The following PDLIM5 variants were observed in gnomAD, a reference collection of about 807,000 sequenced individuals.
PDLIM5 encodes PDZ and LIM domain protein 5.
In PDLIM5, 34 loss-of-function variants were observed where a neutral mutation model predicts 64.2. That is an observed-to-expected ratio of 0.53 (90% CI 0.40 to 0.71). The LOEUF is 0.71. PDLIM5 is among the 30% of genes least tolerant of loss of function. PDLIM5 has a pLI of 0.00. For missense variants in PDLIM5, 683 were observed against 733.6 expected, an observed-to-expected ratio of 0.93 and a Z score of 0.80; for synonymous variants, 253 against 269.1, an observed-to-expected ratio of 0.94 and a Z score of 0.59.
chr4:94,546,496 G>A (rs1321309704), intron 3 of PDLIM5, among the ~76,000 whole-genome samples: 1 of 151,958 alleles, frequency 6.6e-6, no homozygotes, highest in Non-Finnish European at 1.5e-5. Flanking sequence ...AAGCTATTAG[G>A]AAATCTTTGG....
intron 3 of PDLIM5, among the ~76,000 whole-genome samples, chr4:94,536,505 A>G (rs1731331074): frequency 2.0e-5 from 3 of 152,168 alleles, no homozygotes; most frequent in Admixed American, 6.6e-5. Flanking sequence ...GTCATACCCA[A>G]CCCTTCAAAA....
At chr4:94,615,721 C>G (rs915373426) in intron 7 of PDLIM5, among the ~76,000 whole-genome samples, 1 of 152,180 alleles carries the variant, frequency 6.6e-6, no homozygotes. Flanking sequence ...TAAGTGGCTT[C>G]TGGTGACAGG....
intron 2 of PDLIM5, among the ~76,000 whole-genome samples, chr4:94,474,710 C>G (rs1725173712): frequency 1.3e-5 from 2 of 152,076 alleles, no homozygotes; most frequent in African/African-American, 4.8e-5. Context: ...CCAAGGCAGT[C>G]AAGATCACAG....
At position 94,575,823 on chromosome 4, in the gene PDLIM5, G is replaced by A. The variant is rs762943604; in HGVS notation, c.499G>A (p.Ala167Thr). The change falls in exon 5 of 13, where the codon GCT becomes ACT. Residue 167 changes from alanine (A) to threonine (T), a missense_variant. Coordinates refer to ENST00000317968, the MANE Select transcript of PDLIM5 (RefSeq NM_006457.5). ...ATCACATGCTTCCCCTTCACCCGTG[G>A]CTGCCGTCACTCCTCCCCTGTTCGC... The part of the protein sequence containing the change: ...TSSHASPSPV[A>T]AVTPPLFAAS... 1 of 1,614,074 alleles carries A rather than the reference G, an allele frequency of 6.2e-7. No individual in the cohort carries two copies. Among genetic ancestry groups the A allele is most frequent in the South Asian group, 1.1e-5 (1 of 91,082 alleles).
At chr4:94,640,605 A>G (rs190602116) in intron 9 of PDLIM5, among the ~76,000 whole-genome samples, 155 bp downstream of exon 9, 8 of 151,470 alleles carry the variant, frequency 5.3e-5, no homozygotes, top group Admixed American at 4.0e-4. Context: ...ACGAATATCT[A>G]TCTATGAGAA....
In PDLIM5 at chr4:94,543,629, A is replaced by G. The variant is rs568631355; in HGVS notation, c.248+19754A>G. On this transcript the variant is annotated intron_variant, in intron 3 of 12. Coordinates refer to ENST00000317968, the MANE Select transcript of PDLIM5 (RefSeq NM_006457.5). Reference sequence around the variant, plus strand: ...GACCACCATTCTATTCTGTGCCTCTATGAGTTCAACTTTGTTAGATTCCAC... The same window carrying G: ...GACCACCATTCTATTCTGTGCCTCTGTGAGTTCAACTTTGTTAGATTCCAC... Among the ~76,000 whole-genome samples, 21 of 152,226 alleles carry G rather than the reference A, an allele frequency of 1.4e-4. 1 individual carries two copies. Among genetic ancestry groups the G allele is most frequent in the Middle Eastern group, 3.4e-3 (1 of 294 alleles).
rs1163008328 is a variant in PDLIM5, at chr4:94,659,494, ATGTGTGTGTGTGTGTGTGTG to A, written c.1585+1973_1585+1992del. 1.1e-3 allele frequency among the ~76,000 whole-genome samples: 125 copies of A among 109,062 alleles called. 1 individual carries two copies. The highest frequency in any genetic ancestry group is 4.6e-4 in the Admixed American group (5 of 10,836). The allele number at this position is 109,062 out of a possible 152,430, so 71.5% of individuals were successfully genotyped here. A position where few individuals can be genotyped will look rare whatever the true frequency, so the allele number is the denominator to read the frequency against. ...GAGCAGCTGTAGTATATATGTGTGT[ATGTGTGTGTGTGTGTGTGTG>A]TGTGTGTGTGTGTGTGTGTGTGTGT... On this transcript the variant is annotated intron_variant, in intron 11 of 12. Coordinates refer to ENST00000317968, the MANE Select transcript of PDLIM5 (RefSeq NM_006457.5).
intron 2 of PDLIM5, among the ~76,000 whole-genome samples, chr4:94,458,723 C>G (rs1035376279): frequency 6.6e-6 from 1 of 152,098 alleles, no homozygotes; most frequent in Non-Finnish European, 1.5e-5. Context: ...ATTCCATTTT[C>G]TTTAGATTTT....
At chr4:94,540,046 G>A (rs535322897) in intron 3 of PDLIM5, among the ~76,000 whole-genome samples, 1 of 151,804 alleles carries the variant, frequency 6.6e-6, no homozygotes, top group African/African-American at 2.4e-5. Flanking sequence ...AGCAGGTAAT[G>A]TGTGTCAGAC....
chr4:94,587,738 G>A (rs1736352669), intron 7 of PDLIM5: 2 of 983,802 alleles, frequency 2.0e-6, no homozygotes, highest in Non-Finnish European at 1.2e-6. Context: ...GAGAAATACA[G>A]TATTCTTTGG....
At chr4:94,466,853 A>G (rs925763270) in intron 2 of PDLIM5, among the ~76,000 whole-genome samples, 2 of 152,212 alleles carry the variant, frequency 1.3e-5, no homozygotes, top group Non-Finnish European at 2.9e-5. Flanking sequence ...GAGGACTTTG[A>G]AATTGGCATG....
intron 8 of PDLIM5, among the ~76,000 whole-genome samples, chr4:94,624,580 A>T (rs1454331016): frequency 6.6e-6 from 1 of 152,186 alleles, no homozygotes; most frequent in African/African-American, 2.4e-5. Context: ...CTTGAGGTAA[A>T]ATATGTATTT....
At position 94,540,976 on chromosome 4, in the gene PDLIM5, G is replaced by T. The variant is rs1277022981; in HGVS notation, c.248+17101G>T. On this transcript the variant is annotated intron_variant, in intron 3 of 12. Coordinates refer to ENST00000317968, the MANE Select transcript of PDLIM5 (RefSeq NM_006457.5). ...ACCTGTAACAGAAGTCAGTATGAGA[G>T]AGGTCATCAGAACGATACAAACTTC... is the stretch of plus-strand genomic sequence containing the variant. Among the ~76,000 whole-genome samples, 10 of 152,288 alleles carry T rather than the reference G, an allele frequency of 6.6e-5. No individual in the cohort carries two copies. In the East Asian group the frequency reaches 1.9e-3, roughly 29 times the overall value.
intron 3 of PDLIM5, among the ~76,000 whole-genome samples, chr4:94,524,569 A>G (rs998176833): frequency 2.0e-5 from 3 of 151,574 alleles, no homozygotes; most frequent in African/African-American, 7.3e-5. Flanking sequence ...CTGAGTAGAA[A>G]ATTTTTAATA....
rs1736116564 is a variant in PDLIM5 at position 94,585,576 on chromosome 4, A to T, written c.722A>T (p.Lys241Ile). 1 of 1,590,186 alleles carries T rather than the reference A, an allele frequency of 6.3e-7. No individual in the cohort carries two copies. Among genetic ancestry groups the T allele is most frequent in the African/African-American group, 1.3e-5 (1 of 74,322 alleles). ...DSKQQNGPPRKHIVERYTEFY... is the reference protein window; with the variant it reads ...DSKQQNGPPRIHIVERYTEFY... ...CTCCTTAACCCTAGCCCACCAAGAA[A>T]ACACATTGTGGAGCGCTATACAGAG... Residue 241 changes from lysine to isoleucine, a missense_variant, in exon 6 of 13, where the codon AAA becomes ATA. Transcript: ENST00000317968.
chr4:94,586,531 A>G, intron 7 of PDLIM5, 87 bp downstream of exon 7: 1 of 766,674 alleles, frequency 1.3e-6, no homozygotes, highest in East Asian at 2.6e-5. Flanking sequence ...GTATAATGGT[A>G]TGGCATTTCG....
chr4:94,633,958 A>G (rs1018105825), intron 8 of PDLIM5, among the ~76,000 whole-genome samples: 10 of 152,146 alleles, frequency 6.6e-5, no homozygotes, highest in African/African-American at 2.4e-4. Context: ...GGGAACAGAA[A>G]GTACAAAGGG....
intron 10 of PDLIM5, among the ~76,000 whole-genome samples, chr4:94,656,228 A>G (rs532901282): frequency 9.2e-5 from 14 of 152,260 alleles, no homozygotes; most frequent in African/African-American, 3.4e-4. Flanking sequence ...CAAAATTGTA[A>G]TCATGCTTTA....
chr4:94,555,338 A>G (rs773727537), intron 3 of PDLIM5, among the ~76,000 whole-genome samples: 17 of 152,230 alleles, frequency 1.1e-4, no homozygotes, highest in Non-Finnish European at 1.9e-4. Context: ...TACAGGCATG[A>G]GCCACCTCAC....
Sources: allele counts gnomAD v4.1 joint callset (sites outside exome capture counted in the v4.1 genomes callset), GRCh38; gene constraint gnomAD v4.1.1; transcripts MANE v1.5; gene names NCBI Gene and HGNC (gene_info 2026-07-23, HGNC 2026-07-21).